Variants in GIPC2 observed in about 807,000 individuals in gnomAD.
GIPC2 encodes GIPC PDZ domain containing family member 2.
In GIPC2, 30 loss-of-function variants were observed where a neutral mutation model predicts 30.6. The observed-to-expected ratio is 0.98, with a 90% CI of 0.73 to 1.33. The LOEUF is 1.33. GIPC2 is among the 40% of genes most tolerant of loss of function. The pLI is 0.00. For missense variants in GIPC2, 414 were observed against 390.3 expected (o/e 1.06, Z -0.51); for synonymous variants, 167 against 150.0 (o/e 1.11, Z -0.83).
chr1:78,100,494 AG>A (rs1662221920), intron 3 of GIPC2, among the ~76,000 whole-genome samples: 1 of 152,230 alleles, frequency 6.6e-6, no homozygotes, highest in Non-Finnish European at 1.5e-5. Context: ...TTGTGGCTTC[AG>A]GGAGGGAGTA....
At chr1:78,075,385 G>T (rs1661698772) in intron 1 of GIPC2, among the ~76,000 whole-genome samples, 1 of 152,182 alleles carries the variant, frequency 6.6e-6, no homozygotes, top group Non-Finnish European at 1.5e-5. Context: ...GAGCCTGGGG[G>T]GTTGAGGCTG....
intron 3 of GIPC2, among the ~76,000 whole-genome samples, chr1:78,116,353 C>A (rs1467415710): frequency 5.3e-5 from 8 of 152,188 alleles, no homozygotes; most frequent in Non-Finnish European, 1.0e-4. Context: ...CACCTAGGTT[C>A]TTTTTTTCAA....
At chr1:78,117,979 G>C (rs1281128269) in intron 3 of GIPC2, among the ~76,000 whole-genome samples, 1 of 151,504 alleles carries the variant, frequency 6.6e-6, no homozygotes, top group Non-Finnish European at 1.5e-5. Flanking sequence ...GGGTCTCACT[G>C]TGTTGCAATC....
chr1:78,086,685 T>C (rs1390972529), intron 2 of GIPC2, among the ~76,000 whole-genome samples: 3 of 152,318 alleles, frequency 2.0e-5, no homozygotes, highest in Non-Finnish European at 4.4e-5. Flanking sequence ...ATAATTCCCT[T>C]CTCTGTCTTT....
At chr1:78,056,056 C>T (rs533316707) in intron 1 of GIPC2, among the ~76,000 whole-genome samples, 1 of 152,308 alleles carries the variant, frequency 6.6e-6, no homozygotes, top group South Asian at 2.1e-4. Context: ...TACCTCAGGA[C>T]TGGGTTCTGT....
At chr1:78,091,853 G>A (rs1662046972) in intron 2 of GIPC2, 2 of 779,430 alleles carry the variant, frequency 2.6e-6, no homozygotes, top group East Asian at 4.9e-5. Context: ...GGAGAAAGAT[G>A]TAAGAATCTT....
At chr1:78,105,066 G>A (rs1245319380) in intron 3 of GIPC2, among the ~76,000 whole-genome samples, 1 of 152,128 alleles carries the variant, frequency 6.6e-6, no homozygotes, top group Non-Finnish European at 1.5e-5. Context: ...CAAGTGCTGA[G>A]TGTAATTGAT....
At chr1:78,101,173 G>A (rs966696210) in intron 3 of GIPC2, among the ~76,000 whole-genome samples, 2 of 152,132 alleles carry the variant, frequency 1.3e-5, no homozygotes, top group African/African-American at 4.8e-5. Context: ...CCAGCACTGA[G>A]GAATGGCCAG....
intron 1 of GIPC2, among the ~76,000 whole-genome samples, chr1:78,055,969 A>C (rs1423811356): frequency 6.6e-6 from 1 of 151,938 alleles, no homozygotes; most frequent in Admixed American, 6.6e-5. Flanking sequence ...TTATCTGGAA[A>C]TCTCTCCCCT....
Position 78,135,584 on chromosome 1 carries a change from T to A in GIPC2, c.797-8T>A, listed in dbSNP as rs1327488416. 3 of 1,494,846 alleles carry A rather than the reference T, an allele frequency of 2.0e-6. No individual in the cohort carries two copies. Among genetic ancestry groups the A allele is most frequent in the Middle Eastern group, 1.7e-4 (1 of 5,830 alleles). 92.6% of individuals were successfully genotyped at this position (1,494,846 alleles called of 1,614,324 possible). ...TTATTGTTAATTTTTTAATATTATT[T>A]TTGATAGCCACCACAATGTTTGAAG... On this transcript the variant is annotated splice_polypyrimidine_tract_variant and splice_region_variant and intron_variant, in intron 5 of 5. Transcript: ENST00000370759.
upstream of GIPC2, chr1:78,045,891 T>A (rs1190014370): frequency 7.5e-7 from 1 of 1,334,822 alleles, no homozygotes; most frequent in African/African-American, 1.6e-5. Flanking sequence ...TCCAGATCCA[T>A]CCCGGGGGAG....
intron 3 of GIPC2, among the ~76,000 whole-genome samples, chr1:78,098,622 A>G (rs996341188): frequency 3.3e-5 from 5 of 152,316 alleles, no homozygotes; most frequent in Admixed American, 6.5e-5. Context: ...GGAGGCTGTT[A>G]TGGGCTGAAT....
intron 5 of GIPC2, among the ~76,000 whole-genome samples, chr1:78,127,353 G>A (rs1662801790): frequency 6.6e-6 from 1 of 152,192 alleles, no homozygotes; most frequent in African/African-American, 2.4e-5. Context: ...TGACTTTAGA[G>A]TCAGAAAATG....
At chr1:78,111,700 G>A (rs1047451611) in intron 3 of GIPC2, among the ~76,000 whole-genome samples, 2 of 152,172 alleles carry the variant, frequency 1.3e-5, no homozygotes, top group African/African-American at 4.8e-5. Flanking sequence ...TAGCAGCAGC[G>A]TTCTATTAAC....
intron 3 of GIPC2, among the ~76,000 whole-genome samples, chr1:78,115,104 A>G (rs1662543762): frequency 6.6e-6 from 1 of 152,194 alleles, no homozygotes. Context: ...GGGATGATAC[A>G]ACCTTTATGA....
intron 5 of GIPC2, among the ~76,000 whole-genome samples, chr1:78,131,274 T>C (rs2100452609): frequency 6.6e-6 from 1 of 152,128 alleles, no homozygotes; most frequent in East Asian, 1.9e-4. Flanking sequence ...TGTGGCGCGA[T>C]CTCGGCTCAC....
chr1:78,126,675 G>A (rs535585736), intron 5 of GIPC2, among the ~76,000 whole-genome samples: 2 of 152,244 alleles, frequency 1.3e-5, no homozygotes, highest in South Asian at 4.1e-4. Context: ...TCTTCTCTCA[G>A]TCTTGGCTTC....
rs56230848 is a variant in GIPC2 at position 78,136,608 on chromosome 1, C to CTTTTTTTT, written c.*879_*886dup. 4.9e-5 allele frequency: 5 copies of CTTTTTTTT among 101,956 alleles called. No individual in the cohort carries two copies. Among genetic ancestry groups the CTTTTTTTT allele is most frequent in the Non-Finnish European group, 5.9e-5 (3 of 50,506 alleles). The allele number at this position is 101,956 out of a possible 1,614,324, so 6.3% of individuals were successfully genotyped here. A position where few individuals can be genotyped will look rare whatever the true frequency, so the allele number is the denominator to read the frequency against. ...TACTCAAAATAACTATGCTTTAGAACTTTTTTTTTTTTTTTTTTTTTGGTT... is the reference window on the plus strand; with the variant it reads ...TACTCAAAATAACTATGCTTTAGAACTTTTTTTTTTTTTTTTTTTTTTTTTTTTTGGTT... On this transcript the variant is annotated 3_prime_UTR_variant, in exon 6 of 6. Coordinates refer to ENST00000370759, the MANE Select transcript of GIPC2 (RefSeq NM_017655.6).
intron 1 of GIPC2, among the ~76,000 whole-genome samples, chr1:78,067,377 A>G (rs1425937449): frequency 6.6e-6 from 1 of 152,216 alleles, no homozygotes. Flanking sequence ...ACAATGGTTC[A>G]ATAAATGTTA....
Sources: gnomAD v4.1 joint callset for allele counts (sites outside exome capture counted in the v4.1 genomes callset) on GRCh38, gnomAD v4.1.1 for gene constraint, MANE v1.5 for transcripts, NCBI Gene and HGNC (gene_info 2026-07-23, HGNC 2026-07-21) for gene names.